The following FUOM variants were observed in gnomAD, a reference collection of about 807,000 sequenced individuals.
The protein encoded by FUOM is protein fucU homolog.
In FUOM, 19 loss-of-function variants were observed where a neutral mutation model predicts 18.3. That is an observed-to-expected ratio of 1.04 (90% CI 0.73 to 1.53). The LOEUF (loss-of-function observed/expected upper bound fraction) is 1.53. FUOM is among the 40% of genes most tolerant of loss of function. The pLI is 0.00. For synonymous variants in FUOM, 102 were observed against 87.9 expected, an observed-to-expected ratio of 1.16 and a Z score of -0.90; for missense variants, 210 against 200.9, an observed-to-expected ratio of 1.04 and a Z score of -0.27.
At chr10:133,352,949 G>A (rs555887374), downstream of FUOM, among the ~76,000 whole-genome samples, 3 of 152,318 alleles carry the variant, frequency 2.0e-5, no homozygotes, top group South Asian at 6.2e-4. Flanking sequence ...AGGCCCAGGT[G>A]ACCCTTGGCT....
At chr10:133,355,715 G>A in intron 5 of FUOM, 23 bp downstream of exon 5, 1 of 1,611,540 alleles carries the variant, frequency 6.2e-7, no homozygotes, top group South Asian at 1.1e-5. Flanking sequence ...GGATGGGGCA[G>A]GTCTGAGCCA....
At position 133,356,557 on chromosome 10, in the gene FUOM, A is replaced by C. The variant is rs1848806178; in HGVS notation, c.324+83T>G. ...AGACCACTTGAGGACAGAGCTTGGG[A>C]CCCTCTGTCTTTGGCTCCTCCTGAG... is the stretch of plus-strand genomic sequence containing the variant. On this transcript the variant is annotated intron_variant, in intron 4 of 5. Transcript: ENST00000278025. 1.9e-5 allele frequency: 21 copies of C among 1,094,486 alleles called. 1 individual carries two copies. The South Asian group carries it at 3.7e-4, about 20-fold the overall frequency. 67.8% of individuals were successfully genotyped at this position (1,094,486 alleles called of 1,614,324 possible).
chr10:133,355,443 A>T lies in FUOM; in HGVS notation c.399-7T>A. On this transcript the variant is annotated splice_polypyrimidine_tract_variant and splice_region_variant and intron_variant, in intron 5 of 5. Coordinates refer to ENST00000278025, the MANE Select transcript of FUOM (RefSeq NM_001098483.3). ...TCCGTAGAGGGCCGTCTCCCTGCAG[A>T]GGAGCCAAGCCCAGCACTGAGCTGG... is the stretch of plus-strand genomic sequence containing the variant. 6.2e-7 allele frequency: 1 copy of T among 1,610,122 alleles called. No individual in the cohort carries two copies. Among genetic ancestry groups the T allele is most frequent in the Non-Finnish European group, 8.5e-7 (1 of 1,178,956 alleles).
downstream of FUOM, among the ~76,000 whole-genome samples, chr10:133,354,698 T>A (rs1848734632): frequency 6.6e-6 from 1 of 152,060 alleles, no homozygotes; most frequent in Admixed American, 6.5e-5. Flanking sequence ...GCATCCCACC[T>A]CTGCCTGGCA....
rs373850137 is a variant in FUOM at position 133,355,420 on chromosome 10, C to T, written c.415G>A (p.Gly139Arg). Residue 139 changes from glycine (G) to arginine (R), a missense_variant, in exon 6 of 6, where the codon GGA (glycine) becomes AGA (arginine). Gly to Arg is a moderately radical substitution (Grantham distance 125). Transcript: ENST00000278025. Reference sequence around the variant, plus strand: ...ACCCCCTTCCTGAGGATGAGGTTTCCGTAGAGGGCCGTCTCCCTGCAGAGG... The same window carrying T: ...ACCCCCTTCCTGAGGATGAGGTTTCTGTAGAGGGCCGTCTCCCTGCAGAGG... ...VVATGETALY[G>R]NLILRKGVLA... The T allele has an allele frequency of 2.2e-5, 35 of 1,609,612 alleles. No homozygotes were observed. The highest frequency in any genetic ancestry group is 3.3e-5 in the Admixed American group (2 of 59,764).
chr10:133,355,183 T>G lies in FUOM; in HGVS notation c.*187A>C. The G allele has an allele frequency of 1.6e-6, 1 of 632,724 alleles. No homozygotes were observed. Among genetic ancestry groups the G allele is most frequent in the Non-Finnish European group, 2.7e-6 (1 of 367,646 alleles). The allele number at this position is 632,724 out of a possible 1,614,324, so 39.2% of individuals were successfully genotyped here. On this transcript the variant is annotated 3_prime_UTR_variant, in exon 6 of 6. Coordinates refer to ENST00000278025, the MANE Select transcript of FUOM (RefSeq NM_001098483.3). Reference sequence around the variant, plus strand: ...TTGGACTCTTGAGACTGAACGTTTTTCCATCATTTTCACAAATCAGGGATA... The same window carrying G: ...TTGGACTCTTGAGACTGAACGTTTTGCCATCATTTTCACAAATCAGGGATA...
At chr10:133,354,738 C>T (rs2133411635), downstream of FUOM, among the ~76,000 whole-genome samples, 1 of 152,264 alleles carries the variant, frequency 6.6e-6, no homozygotes, top group South Asian at 2.1e-4. Context: ...GTGTCCTTTA[C>T]CTCCCCTGCC....
Position 133,356,702 on chromosome 10 carries a change from T to A in FUOM, c.262A>T (p.Arg88Trp). ...GTCCACACTGGGGTCTGCAGGCCCCTCTCCTTGTCGCTGGGCACCAGCTCC... is the reference window on the plus strand; with the variant it reads ...GTCCACACTGGGGTCTGCAGGCCCCACTCCTTGTCGCTGGGCACCAGCTCC... ...VMELVPSDKE[R>W]GLQTPVWTEY... The change falls in exon 4 of 6, where the codon AGG (arginine) becomes TGG (tryptophan). Residue 88 changes from arginine to tryptophan, a missense_variant. Physicochemically the swap from Arg to Trp is moderately radical, Grantham distance 101. Transcript: ENST00000278025. 1.3e-6 allele frequency: 2 copies of A among 1,598,934 alleles called. No homozygotes were observed. Among genetic ancestry groups the A allele is most frequent in the South Asian group, 2.2e-5 (2 of 89,432 alleles).
intron 2 of FUOM, 51 bp from the exon 3 acceptor site, chr10:133,357,064 C>T: frequency 6.5e-7 from 1 of 1,541,342 alleles, no homozygotes. Context: ...CGCCCGCCTG[C>T]CTGTCTGCAC....
chr10:133,357,058 C>T (rs763295936), intron 2 of FUOM, 45 bp from the exon 3 acceptor site: 95 of 1,535,164 alleles, frequency 6.2e-5, no homozygotes, highest in Non-Finnish European at 7.2e-5. Context: ...CCCGCCCGCC[C>T]GCCTGCCTGT....
At chr10:133,357,745 C>G (rs1172275608) in intron 1 of FUOM, 178 bp downstream of exon 1, 1 of 547,788 alleles carries the variant, frequency 1.8e-6, no homozygotes, top group Non-Finnish European at 3.2e-6. Flanking sequence ...CAGAGCCCCA[C>G]GAGGTCTCAG....
At chr10:133,354,406 G>A (rs947549272), downstream of FUOM, among the ~76,000 whole-genome samples, 5 of 152,170 alleles carry the variant, frequency 3.3e-5, no homozygotes, top group African/African-American at 1.2e-4. Flanking sequence ...AGGTTCTCCT[G>A]CGGTCTGGAG....
chr10:133,353,515 C>T (rs1342979552), downstream of FUOM, among the ~76,000 whole-genome samples: 1 of 152,208 alleles, frequency 6.6e-6, no homozygotes, highest in Non-Finnish European at 1.5e-5. Flanking sequence ...GGGAGAGAGG[C>T]CACCCGTCCC....
rs1848826555 is a variant in FUOM at position 133,357,024 on chromosome 10, G to A, written c.155-11C>T. 1 of 1,549,742 alleles carries A rather than the reference G, an allele frequency of 6.5e-7. No individual in the cohort carries two copies. Among genetic ancestry groups the A allele is most frequent in the African/African-American group, 1.4e-5 (1 of 73,162 alleles). ...GCGGGATGCCCAGGCCTGGAGGGCA[G>A]AGGAGGCAGCACTCAGTCTCCAGCC... On this transcript the variant is annotated splice_polypyrimidine_tract_variant and intron_variant, in intron 2 of 5. Transcript: ENST00000278025.
chr10:133,356,502 T>C (rs1447223743), intron 4 of FUOM, 138 bp downstream of exon 4: 2 of 536,678 alleles, frequency 3.7e-6, no homozygotes, highest in Non-Finnish European at 6.3e-6. Flanking sequence ...GGAGTGCCAG[T>C]GGTCCGGGGT....
chr10:133,353,669 G>A (rs546778769), downstream of FUOM, among the ~76,000 whole-genome samples: 152 of 152,256 alleles, frequency 1.0e-3, 1 homozygote, highest in Non-Finnish European at 1.7e-3. Context: ...GGTGCCCCAC[G>A]GTGTCCCACA....
intron 2 of FUOM, 45 bp from the exon 3 acceptor site, chr10:133,357,058 C>A (rs763295936): frequency 2.0e-6 from 3 of 1,535,352 alleles, no homozygotes; most frequent in Non-Finnish European, 2.6e-6. Flanking sequence ...CCCGCCCGCC[C>A]GCCTGCCTGT....
chr10:133,357,327 A>T (rs901891030), intron 1 of FUOM, 72 bp from the exon 2 acceptor site: 19 of 1,434,546 alleles, frequency 1.3e-5, no homozygotes, highest in Non-Finnish European at 1.8e-5. Context: ...CCGTCCTCCC[A>T]CCCAGTCATG....
downstream of FUOM, among the ~76,000 whole-genome samples, chr10:133,353,035 ATGGGACCAGAGGGCACCC>A (rs1328551107): frequency 6.6e-6 from 1 of 152,120 alleles, no homozygotes; most frequent in Non-Finnish European, 1.5e-5. Context: ...CAGTTAGGGG[ATGGGACCAGAGGGCACCC>A]TGGGACCAGT....
Sources: allele counts gnomAD v4.1 joint callset (sites outside exome capture counted in the v4.1 genomes callset), GRCh38; gene constraint gnomAD v4.1.1; transcripts MANE v1.5; gene names NCBI Gene and HGNC (gene_info 2026-07-23, HGNC 2026-07-21).